The following SCAI variants were observed in gnomAD, a reference collection of about 807,000 sequenced individuals.
SCAI encodes protein SCAI.
Under a neutral mutation model 92.2 loss-of-function variants are expected in SCAI, and 24 were observed. The ratio of observed to expected loss-of-function variants is 0.26; its 90% CI spans 0.19 to 0.37. SCAI has a LOEUF of 0.37. Among genes scored for constraint, SCAI ranks in the 10% least tolerant of loss-of-function variants. The pLI, the probability that SCAI is intolerant of heterozygous loss-of-function variation, is 1.00. For synonymous variants in SCAI, 261 were observed against 258.6 expected (o/e 1.01, Z -0.09); for missense variants, 450 against 736.2 (o/e 0.61, Z 4.50).
intron 3 of SCAI, among the ~76,000 whole-genome samples, chr9:125,031,313 G>A (rs1319633491): frequency 6.6e-6 from 1 of 151,800 alleles, no homozygotes; most frequent in East Asian, 1.9e-4. Flanking sequence ...CCAGGCTGGA[G>A]TGCAGTGGCG....
intron 9 of SCAI, among the ~76,000 whole-genome samples, chr9:125,016,385 C>CTGAATAAA (rs1325681833): frequency 2.1e-5 from 1 of 46,702 alleles, no homozygotes; most frequent in Non-Finnish European, 4.3e-5. Flanking sequence ...AAGACTCTGT[C>CTGAATAAA]TCAATAAATA....
chr9:124,956,075 T>C (rs1234430126), intron 17 of SCAI, among the ~76,000 whole-genome samples: 2 of 152,026 alleles, frequency 1.3e-5, no homozygotes. Flanking sequence ...CATGAAGACA[T>C]TACGAGAAAA....
At chr9:125,057,770 A>T (rs1182495678) in intron 2 of SCAI, among the ~76,000 whole-genome samples, 2 of 152,176 alleles carry the variant, frequency 1.3e-5, no homozygotes, top group African/African-American at 4.8e-5. Context: ...GCAATGGGAG[A>T]TTTGCTATAT....
In SCAI at chr9:125,029,754, G is replaced by A. The variant is rs369643818; in HGVS notation, c.231-15C>T. On this transcript the variant is annotated splice_polypyrimidine_tract_variant and intron_variant, in intron 3 of 17. Coordinates refer to ENST00000336505, the MANE Select transcript of SCAI (RefSeq NM_001144877.3). ...GTGGCAAATCTCTGTAATAGTAAAT[G>A]AGTATGTATTAATATTAAACTTCTT... 91 of 1,444,856 alleles carry A rather than the reference G, an allele frequency of 6.3e-5. No homozygotes were observed. Among genetic ancestry groups the A allele is most frequent in the Non-Finnish European group, 8.5e-5 (88 of 1,032,750 alleles). 89.5% of individuals were successfully genotyped at this position (1,444,856 alleles called of 1,614,324 possible). A position where few individuals can be genotyped will look rare whatever the true frequency, so the allele number is the denominator to read the frequency against.
intron 3 of SCAI, among the ~76,000 whole-genome samples, chr9:125,051,410 T>C (rs1296193121): frequency 6.6e-6 from 1 of 152,164 alleles, no homozygotes; most frequent in East Asian, 1.9e-4. Context: ...CTCTTCCAGG[T>C]GACAGATCAA....
chr9:124,954,893 T>C (rs1831290033), intron 17 of SCAI, among the ~76,000 whole-genome samples: 1 of 152,132 alleles, frequency 6.6e-6, no homozygotes, highest in Non-Finnish European at 1.5e-5. Flanking sequence ...TGGCCGGGTG[T>C]GGTGGCTCAC....
chr9:125,065,095 T>C (rs1833848197), intron 2 of SCAI, among the ~76,000 whole-genome samples: 2 of 149,948 alleles, frequency 1.3e-5, no homozygotes, highest in South Asian at 4.2e-4. Context: ...CCAAAGAAAA[T>C]AGAGGGCAAT....
At chr9:125,100,260 T>C (rs922238348) in intron 2 of SCAI, among the ~76,000 whole-genome samples, 1 of 152,234 alleles carries the variant, frequency 6.6e-6, no homozygotes, top group African/African-American at 2.4e-5. Context: ...GTTTTCACAT[T>C]GGAAGGGAAG....
chr9:124,945,628 T>C lies in SCAI; in HGVS notation c.*7179A>G, dbSNP rs1831134096. On this transcript the variant is annotated 3_prime_UTR_variant, in exon 18 of 18. Transcript: ENST00000336505. Reference sequence around the variant, plus strand: ...AATATTTTAAAATTAAGAATGGTGCTTCAATCAGTTATTAAATTAGTTATA... The same window carrying C: ...AATATTTTAAAATTAAGAATGGTGCCTCAATCAGTTATTAAATTAGTTATA... The C allele has an allele frequency of 6.6e-6, 1 of 152,182 alleles. No homozygotes were observed. Among genetic ancestry groups the C allele is most frequent in the Non-Finnish European group, 1.5e-5 (1 of 68,028 alleles). The allele number at this position is 152,182 out of a possible 1,614,324, so 9.4% of individuals were successfully genotyped here.
intron 17 of SCAI, among the ~76,000 whole-genome samples, chr9:124,966,916 CT>C (rs35221252): frequency 0.013 from 1,802 of 134,154 alleles, 89 homozygotes; most frequent in Admixed American, 0.089. Flanking sequence ...CCCAGCTTGA[CT>C]TTTTTTTTTT....
At chr9:125,007,148 G>A (rs1311653221) in intron 9 of SCAI, among the ~76,000 whole-genome samples, 1 of 151,634 alleles carries the variant, frequency 6.6e-6, no homozygotes, top group African/African-American at 2.4e-5. Context: ...GAATGCTGGG[G>A]GATTTGATTA....
intron 2 of SCAI, among the ~76,000 whole-genome samples, chr9:125,136,259 T>C (rs1019338362): frequency 2.6e-5 from 4 of 151,184 alleles, no homozygotes; most frequent in Non-Finnish European, 5.9e-5. Context: ...TACAGGTGTG[T>C]ACCACCACAC....
chr9:125,082,511 C>A (rs1834241901), intron 2 of SCAI, among the ~76,000 whole-genome samples: 1 of 152,146 alleles, frequency 6.6e-6, no homozygotes, highest in African/African-American at 2.4e-5. Flanking sequence ...TCTTCCAGAC[C>A]CCAGAATGGT....
At chr9:125,058,093 CA>C (rs1415437174) in intron 2 of SCAI, among the ~76,000 whole-genome samples, 5 of 112,372 alleles carry the variant, frequency 4.4e-5, no homozygotes, top group Non-Finnish European at 8.8e-5. Context: ...AATGAGACCC[CA>C]TTTCTTTAAA....
chr9:125,068,740 T>C (rs1025812263), intron 2 of SCAI, among the ~76,000 whole-genome samples: 2 of 152,106 alleles, frequency 1.3e-5, no homozygotes, highest in Admixed American at 6.6e-5. Context: ...GTTGTGAAGA[T>C]AAAAATAAGA....
intron 17 of SCAI, chr9:124,968,359 G>A: frequency 2.5e-6 from 3 of 1,195,064 alleles, no homozygotes; most frequent in Non-Finnish European, 3.7e-6. Flanking sequence ...GCTTTAGTGA[G>A]CTCTGCAGCG....
At chr9:125,045,556 A>C (rs1833416798) in intron 3 of SCAI, among the ~76,000 whole-genome samples, 1 of 152,052 alleles carries the variant, frequency 6.6e-6, no homozygotes, top group South Asian at 2.1e-4. Flanking sequence ...GGCTGGTCTT[A>C]AATTCCTGAG....
chr9:125,068,147 A>C (rs879044795), intron 2 of SCAI, among the ~76,000 whole-genome samples: 1 of 152,236 alleles, frequency 6.6e-6, no homozygotes, highest in Admixed American at 6.5e-5. Context: ...TAGTTATGTG[A>C]TTTTAACCAA....
At chr9:125,137,939 G>C (rs1835575072) in intron 2 of SCAI, among the ~76,000 whole-genome samples, 1 of 152,098 alleles carries the variant, frequency 6.6e-6, no homozygotes. Context: ...TGATTTTAGA[G>C]ATACCATGAA....
Sources: allele counts gnomAD v4.1 joint callset (sites outside exome capture counted in the v4.1 genomes callset), GRCh38; gene constraint gnomAD v4.1.1; transcripts MANE v1.5; gene names NCBI Gene and HGNC (gene_info 2026-07-23, HGNC 2026-07-21).